Variants in STARD13 observed in about 807,000 individuals in gnomAD.
STARD13 encodes the protein stAR-related lipid transfer protein 13.
STARD13 carries 62 observed loss-of-function variants against 106.4 expected under a neutral mutation model. The observed-to-expected ratio is 0.58, with a 90% CI of 0.48 to 0.72. The LOEUF (loss-of-function observed/expected upper bound fraction) is 0.72, where lower values mean the gene tolerates loss of function less well. Among genes scored for constraint, STARD13 ranks in the 30% least tolerant of loss-of-function variants. The pLI is 0.00. For synonymous variants in STARD13, 565 were observed against 553.0 expected, an observed-to-expected ratio of 1.02 and a Z score of -0.31; for missense variants, 1,387 against 1,424.0, an observed-to-expected ratio of 0.97 and a Z score of 0.42.
chr13:33,527,185 ATTC>A, the STARD13 span, among the ~76,000 whole-genome samples: 406 of 152,118 alleles, frequency 2.7e-3, 1 homozygote, highest in African/African-American at 9.3e-3. Context: ...ATCAAACTTC[ATTC>A]TTCTTGGAAT....
chr13:33,462,039 C>T, the STARD13 span, among the ~76,000 whole-genome samples: 1 of 152,304 alleles, frequency 6.6e-6, no homozygotes, highest in Admixed American at 6.5e-5. Context: ...CATATTAACA[C>T]TTTCCAGCCT....
the STARD13 span, among the ~76,000 whole-genome samples, chr13:33,569,125 T>C: frequency 7.4e-5 from 11 of 148,016 alleles, 1 homozygote; most frequent in African/African-American, 2.5e-4. Flanking sequence ...TGGGAAGATA[T>C]TAATTTATAT....
chr13:33,338,814 G>A (rs2077925309), intron 1 of STARD13, among the ~76,000 whole-genome samples: 2 of 150,208 alleles, frequency 1.3e-5, no homozygotes. Flanking sequence ...GAACCCGGGA[G>A]GCAGAGCTTG....
upstream of STARD13, chr13:33,285,799 C>A: frequency 4.2e-6 from 6 of 1,425,348 alleles, no homozygotes; most frequent in Non-Finnish European, 5.5e-6. Context: ...GAATTCCAAC[C>A]CCCGGGGCCC....
the STARD13 span, among the ~76,000 whole-genome samples, chr13:33,448,636 G>C: frequency 6.6e-6 from 1 of 152,098 alleles, no homozygotes; most frequent in African/African-American, 2.4e-5. Flanking sequence ...GGGATTGCTG[G>C]AGTACAGGGT....
intron 1 of STARD13, among the ~76,000 whole-genome samples, chr13:33,202,867 T>C (rs1887142454): frequency 6.6e-6 from 1 of 152,132 alleles, no homozygotes; most frequent in Middle Eastern, 3.2e-3. Flanking sequence ...CACTTCCTCT[T>C]TCTGAGAGGG....
At chr13:33,224,710 C>T (rs956078394) in intron 1 of STARD13, among the ~76,000 whole-genome samples, 1 of 152,202 alleles carries the variant, frequency 6.6e-6, no homozygotes, top group Admixed American at 6.5e-5. Context: ...AATATTTTGT[C>T]AATAGCTAAT....
the STARD13 span, among the ~76,000 whole-genome samples, chr13:33,468,830 C>T: frequency 6.6e-6 from 1 of 152,162 alleles, no homozygotes; most frequent in Admixed American, 6.5e-5. Flanking sequence ...TTCTCACCAA[C>T]AGAGTGAGAG....
chr13:33,401,734 C>T, the STARD13 span, among the ~76,000 whole-genome samples: 1 of 152,194 alleles, frequency 6.6e-6, no homozygotes, highest in South Asian at 2.1e-4. Context: ...AATTTACTTT[C>T]ATCTTGATGT....
chr13:33,538,930 G>A, the STARD13 span, among the ~76,000 whole-genome samples: 2 of 151,906 alleles, frequency 1.3e-5, no homozygotes, highest in African/African-American at 4.8e-5. Flanking sequence ...CCACCATGCC[G>A]GACTAATTTT....
chr13:33,206,736 T>C (rs1052549580), intron 1 of STARD13, among the ~76,000 whole-genome samples: 2 of 152,188 alleles, frequency 1.3e-5, no homozygotes, highest in African/African-American at 4.8e-5. Flanking sequence ...TAAGTGAGCA[T>C]GACAAACAAT....
chr13:33,350,382 T>C, exon 1 of STARD13: 1 of 1,533,884 alleles, frequency 6.5e-7, no homozygotes, highest in South Asian at 1.2e-5. Flanking sequence ...TCTCCTGAGC[T>C]GCGTTTGGCA....
At chr13:33,560,519 A>G in the STARD13 span, among the ~76,000 whole-genome samples, 12 of 151,394 alleles carry the variant, frequency 7.9e-5, no homozygotes, top group Non-Finnish European at 1.2e-4. Context: ...GACAGTATAC[A>G]TAATCAGTCT....
At chr13:33,237,813 A>C (rs1242455954) in intron 1 of STARD13, among the ~76,000 whole-genome samples, 8 of 152,250 alleles carry the variant, frequency 5.3e-5, no homozygotes, top group African/African-American at 1.9e-4. Context: ...GGTTGAGAAG[A>C]GTCTTTATGG....
At chr13:33,199,705 G>T (rs1044261173) in intron 1 of STARD13, among the ~76,000 whole-genome samples, 2 of 152,176 alleles carry the variant, frequency 1.3e-5, no homozygotes, top group South Asian at 2.1e-4. Flanking sequence ...TTTCATTCAG[G>T]TACTTGCAAG....
the STARD13 span, among the ~76,000 whole-genome samples, chr13:33,594,715 T>C: frequency 6.6e-6 from 1 of 152,292 alleles, no homozygotes; most frequent in Non-Finnish European, 1.5e-5. Flanking sequence ...CAATCTACTT[T>C]CTGTCTATAA....
At chr13:33,173,172 T>C (rs1884167061) in intron 1 of STARD13, among the ~76,000 whole-genome samples, 1 of 152,218 alleles carries the variant, frequency 6.6e-6, no homozygotes, top group African/African-American at 2.4e-5. Context: ...TGTTAACATT[T>C]CAACGGGCTT....
At chr13:33,443,644 C>T in the STARD13 span, among the ~76,000 whole-genome samples, 23 of 151,860 alleles carry the variant, frequency 1.5e-4, no homozygotes, top group Admixed American at 6.6e-4. Flanking sequence ...CCAGCACTTT[C>T]GGAGGCCAAG....
downstream of STARD13, among the ~76,000 whole-genome samples, chr13:33,345,722 C>T (rs531548292): frequency 3.3e-5 from 5 of 152,206 alleles, no homozygotes; most frequent in South Asian, 8.3e-4. Context: ...ACAATAACTC[C>T]TTTTCATATT....
Sources: allele counts gnomAD v4.1 joint callset (sites outside exome capture counted in the v4.1 genomes callset), GRCh38; gene constraint gnomAD v4.1.1; transcripts MANE v1.5; gene names NCBI Gene and HGNC (gene_info 2026-07-23, HGNC 2026-07-21).